Variants in ACAD9 observed in about 807,000 individuals in gnomAD.
The protein encoded by ACAD9 is acyl-CoA dehydrogenase family member 9.
A neutral mutation model predicts 70.2 loss-of-function variants in ACAD9; 53 were observed. That is an observed-to-expected ratio of 0.75 (90% CI 0.61 to 0.95). ACAD9 has a LOEUF of 0.95. Among genes scored for constraint, ACAD9 ranks in the 40% least tolerant of loss-of-function variants. The probability of loss-of-function intolerance (pLI) is 0.00; values close to 1 mark genes in which losing one functional copy is unlikely to be tolerated. For missense variants in ACAD9, 777 were observed against 802.8 expected (o/e 0.97, Z 0.39); for synonymous variants, 313 against 312.1 (o/e 1.00, Z -0.03).
intron 1 of ACAD9, among the ~76,000 whole-genome samples, chr3:128,882,982 C>T (rs555025397): frequency 6.6e-6 from 1 of 152,170 alleles, no homozygotes; most frequent in South Asian, 2.1e-4. Context: ...CAGCCCATTG[C>T]ACAAGACCCA....
At chr3:128,901,495 A>C in intron 8 of ACAD9, 146 bp downstream of exon 8, 1 of 900,960 alleles carries the variant, frequency 1.1e-6, no homozygotes, top group South Asian at 1.4e-5. Flanking sequence ...AAATTGGCAA[A>C]ATGGACACTG....
At chr3:128,893,704 A>G (rs1935487080) in intron 3 of ACAD9, 48 bp downstream of exon 3, 1 of 1,500,598 alleles carries the variant, frequency 6.7e-7, no homozygotes. Context: ...TTAAGAAAGC[A>G]CTCTGTATTT....
intron 5 of ACAD9, among the ~76,000 whole-genome samples, chr3:128,897,275 G>A (rs1935594072): frequency 6.6e-6 from 1 of 152,096 alleles, no homozygotes; most frequent in African/African-American, 2.4e-5. Context: ...TGCAACCTCC[G>A]CCTTCAAGCG....
Position 128,897,636 on chromosome 3 carries a change from A to C in ACAD9, c.559A>C (p.Ser187Arg), listed in dbSNP as rs984497390. 1.2e-5 allele frequency: 20 copies of C among 1,613,244 alleles called. No homozygotes were observed. The highest frequency in any genetic ancestry group is 1.7e-5 in the Non-Finnish European group (20 of 1,179,518). ...CACATCTTTCTGCATCTGCAGTGGGAGCGATGCAGCCTCAATCCGGAGCAG... is the reference window on the plus strand; with the variant it reads ...CACATCTTTCTGCATCTGCAGTGGGCGCGATGCAGCCTCAATCCGGAGCAG... ...AFCLTEPASG[S>R]DAASIRSRAT... The change falls in exon 6 of 18, where the codon AGC (serine) becomes CGC (arginine). Residue 187 changes from serine (S) to arginine (R), a missense_variant. Ser to Arg is a moderately radical substitution (Grantham distance 110, BLOSUM62 -1). Transcript: ENST00000308982.
At chr3:128,910,717 C>CTT (rs1197368892) in intron 16 of ACAD9, 24 bp from the exon 17 acceptor site, 2 of 1,613,850 alleles carry the variant, frequency 1.2e-6, no homozygotes, top group Non-Finnish European at 1.7e-6. Flanking sequence ...TTGGGCATAT[C>CTT]TTTTCTGTCC....
intron 13 of ACAD9, 56 bp from the exon 14 acceptor site, chr3:128,908,917 G>A: frequency 6.2e-7 from 1 of 1,613,390 alleles, no homozygotes; most frequent in Non-Finnish European, 8.5e-7. Flanking sequence ...CCATGTTGCT[G>A]GACAGTGAGC....
In ACAD9 at chr3:128,912,465, G is replaced by A. The variant is rs184945177; in HGVS notation, c.1766-42G>A. On this transcript the variant is annotated intron_variant, in intron 17 of 17. Transcript: ENST00000308982. ...ACTTCAGCCATGTTTGTCTTATCAC[G>A]GTGCAGAAAGATCACCCACCATCTC... 1,403 of 1,562,788 alleles carry A rather than the reference G, an allele frequency of 9.0e-4. 3 individuals carry two copies. Among genetic ancestry groups the A allele is most frequent in the Non-Finnish European group, 1.1e-3 (1,267 of 1,134,618 alleles).
rs748222640 is a variant in ACAD9, at chr3:128,910,120, C to T, written c.1663C>T (p.Arg555Cys). The change falls in exon 16 of 18, where the codon CGC (arginine) becomes TGC (cysteine). Residue 555 changes from arginine to cysteine, a missense_variant. Coordinates refer to ENST00000308982, the MANE Select transcript of ACAD9 (RefSeq NM_014049.5). The stretch of plus-strand genomic sequence containing the variant: ...GCTGTCGCGGGCCAGCCGCTCCATC[C>T]GCATTGGGCTCCGCAACCACGACCA... ...AVLSRASRSI[R>C]IGLRNHDHEV... is the part of the protein sequence containing the mutation. The T allele has an allele frequency of 2.3e-5, 37 of 1,613,922 alleles. No homozygotes were observed. The highest frequency in any genetic ancestry group is 1.2e-4 in the South Asian group (11 of 91,062).
chr3:128,885,249 G>C (rs1028732854), intron 2 of ACAD9, among the ~76,000 whole-genome samples: 1 of 152,200 alleles, frequency 6.6e-6, no homozygotes, highest in Non-Finnish European at 1.5e-5. Flanking sequence ...GCTGTTGGCC[G>C]GTCCTCCAGC....
At position 128,900,044 on chromosome 3, in the gene ACAD9, G is replaced by A. The variant is rs140505315; in HGVS notation, c.808+583G>A. ...CCTCCTGGGTTCGAGTGATTCTCCTGTCTCAGCCTCCCAAGTAATTGGGAC... is the reference window on the plus strand; with the variant it reads ...CCTCCTGGGTTCGAGTGATTCTCCTATCTCAGCCTCCCAAGTAATTGGGAC... On this transcript the variant is annotated intron_variant, in intron 7 of 17. Coordinates refer to ENST00000308982, the MANE Select transcript of ACAD9 (RefSeq NM_014049.5). 1.5e-3 allele frequency among the ~76,000 whole-genome samples: 231 copies of A among 152,298 alleles called. 1 individual carries two copies. The highest frequency in any genetic ancestry group is 5.4e-3 in the African/African-American group (226 of 41,556).
In ACAD9 at chr3:128,899,353, T is replaced by G; in HGVS notation, c.700T>G (p.Ser234Ala). The G allele has an allele frequency of 6.2e-7, 1 of 1,614,284 alleles. No homozygotes were observed. Among genetic ancestry groups the G allele is most frequent in the Non-Finnish European group, 8.5e-7 (1 of 1,180,054 alleles). The change falls in exon 7 of 18, where the codon TCT (serine) becomes GCT (alanine). Residue 234 changes from serine to alanine, a missense_variant. Physicochemically the swap from Ser to Ala is moderately conservative, Grantham distance 99 (BLOSUM62 1). Transcript: ENST00000308982. ...TVFAKTEVVD[S>A]DGSVKDKITA... ...GTTTGCAAAGACTGAGGTCGTTGAT[T>G]CTGATGGATCAGTGAAAGACAAAAT...
intron 11 of ACAD9, among the ~76,000 whole-genome samples, chr3:128,905,141 T>TC (rs1218203383): frequency 1.3e-5 from 2 of 150,700 alleles, no homozygotes; most frequent in Non-Finnish European, 3.0e-5. Flanking sequence ...AGAGCAAAAC[T>TC]CCATCTCAAA....
In ACAD9 at chr3:128,912,637, C is replaced by T. The variant is rs1336385626; in HGVS notation, c.*30C>T. The T allele has an allele frequency of 1.1e-5, 18 of 1,571,652 alleles. No individual in the cohort carries two copies. Among genetic ancestry groups the T allele is most frequent in the Non-Finnish European group, 1.3e-5 (15 of 1,141,430 alleles). ...GGGGACAGTGTCCCCTGCTACCGCCCGCCCCTACCCATGGCCCGTTGCTGG... is the reference window on the plus strand; with the variant it reads ...GGGGACAGTGTCCCCTGCTACCGCCTGCCCCTACCCATGGCCCGTTGCTGG... On this transcript the variant is annotated 3_prime_UTR_variant, in exon 18 of 18. Coordinates refer to ENST00000308982, the MANE Select transcript of ACAD9 (RefSeq NM_014049.5).
At chr3:128,899,533 T>C in intron 7 of ACAD9, 72 bp downstream of exon 7, 1 of 1,199,322 alleles carries the variant, frequency 8.3e-7, no homozygotes, top group African/African-American at 1.5e-5. Context: ...GGTGTGTGTG[T>C]GTGTGTGTGT....
At chr3:128,898,959 C>T (rs1935650087) in intron 6 of ACAD9, among the ~76,000 whole-genome samples, 1 of 152,082 alleles carries the variant, frequency 6.6e-6, no homozygotes, top group South Asian at 2.1e-4. Context: ...TATATGTATA[C>T]CTTAAGAAAT....
chr3:128,900,853 C>A (rs995197222), intron 7 of ACAD9, among the ~76,000 whole-genome samples: 12 of 151,996 alleles, frequency 7.9e-5, no homozygotes, highest in African/African-American at 2.7e-4. Flanking sequence ...ACCAGTGGTC[C>A]CAGTCTACCC....
At chr3:128,893,065 G>C (rs1342328719) in intron 2 of ACAD9, among the ~76,000 whole-genome samples, 1 of 152,072 alleles carries the variant, frequency 6.6e-6, no homozygotes, top group Non-Finnish European at 1.5e-5. Flanking sequence ...TTTTATTCTG[G>C]CCGGGCGTGG....
At chr3:128,891,543 C>T (rs1475387540) in intron 2 of ACAD9, among the ~76,000 whole-genome samples, 1 of 152,214 alleles carries the variant, frequency 6.6e-6, no homozygotes, top group African/African-American at 2.4e-5. Context: ...ACCACTTGAA[C>T]CCGGCAGGCA....
intron 1 of ACAD9, among the ~76,000 whole-genome samples, chr3:128,881,286 C>G (rs1017189880): frequency 2.0e-5 from 3 of 152,236 alleles, no homozygotes; most frequent in Non-Finnish European, 4.4e-5. Context: ...TCTTTCAGAT[C>G]TGTTTCCATC....
Sources: gnomAD v4.1 joint callset for allele counts (sites outside exome capture counted in the v4.1 genomes callset) on GRCh38, gnomAD v4.1.1 for gene constraint, MANE v1.5 for transcripts, NCBI Gene and HGNC (gene_info 2026-07-23, HGNC 2026-07-21) for gene names.